Variants in PTPRT observed in about 807,000 individuals in gnomAD.
The protein encoded by PTPRT is receptor-type tyrosine-protein phosphatase T.
A neutral mutation model predicts 176.8 loss-of-function variants in PTPRT; 56 were observed. The ratio of observed to expected loss-of-function variants is 0.32; its 90% CI spans 0.26 to 0.40. The LOEUF (loss-of-function observed/expected upper bound fraction) is 0.40. Among genes scored for constraint, PTPRT ranks in the 10% least tolerant of loss-of-function variants. The pLI, the probability that PTPRT is intolerant of heterozygous loss-of-function variation, is 1.00. For missense variants in PTPRT, 1,540 were observed against 1,908.2 expected, an observed-to-expected ratio of 0.81 and a Z score of 3.60; for synonymous variants, 783 against 739.0, an observed-to-expected ratio of 1.06 and a Z score of -0.96.
At chr20:42,109,215 T>C (rs536260160) in intron 23 of PTPRT, among the ~76,000 whole-genome samples, 1 of 152,150 alleles carries the variant, frequency 6.6e-6, no homozygotes, top group Non-Finnish European at 1.5e-5. Context: ...TATGGAGTCT[T>C]CCATGGTCTC....
chr20:42,215,615 G>A (rs2055750031), intron 15 of PTPRT, among the ~76,000 whole-genome samples: 1 of 152,098 alleles, frequency 6.6e-6, no homozygotes, highest in Admixed American at 6.6e-5. Flanking sequence ...TCCATATCCT[G>A]CTCATACGAC....
At chr20:42,034,086 A>G in the PTPRT span, among the ~76,000 whole-genome samples, 1 of 152,140 alleles carries the variant, frequency 6.6e-6, no homozygotes, top group Non-Finnish European at 1.5e-5. Context: ...AATGCCTTGC[A>G]GTTTCTGTGG....
chr20:42,154,659 T>C (rs1471367821), intron 17 of PTPRT, among the ~76,000 whole-genome samples: 1 of 152,226 alleles, frequency 6.6e-6, no homozygotes, highest in Non-Finnish European at 1.5e-5. Flanking sequence ...CTGGGATGAA[T>C]GTGCTTCTTC....
intron 1 of PTPRT, among the ~76,000 whole-genome samples, chr20:43,048,691 G>GA (rs1986931171): frequency 6.6e-6 from 1 of 152,092 alleles, no homozygotes; most frequent in Non-Finnish European, 1.5e-5. Flanking sequence ...TTCTCCTGGG[G>GA]AAAAAATGTT....
intron 7 of PTPRT, among the ~76,000 whole-genome samples, chr20:42,503,059 A>C (rs1398854447): frequency 6.6e-6 from 1 of 151,960 alleles, no homozygotes; most frequent in East Asian, 1.9e-4. Context: ...TATTCCTAAC[A>C]ATTTTTGTTT....
chr20:42,506,880 G>A (rs1453049082), intron 7 of PTPRT, among the ~76,000 whole-genome samples: 2 of 152,226 alleles, frequency 1.3e-5, no homozygotes, highest in East Asian at 3.9e-4. Flanking sequence ...GGCTATGCCT[G>A]TGCCCTGTCC....
intron 6 of PTPRT, among the ~76,000 whole-genome samples, chr20:42,684,972 A>C (rs2075666751): frequency 6.6e-6 from 1 of 152,196 alleles, no homozygotes. Context: ...TGATTCATTT[A>C]GTCTTCACAG....
intron 12 of PTPRT, among the ~76,000 whole-genome samples, chr20:42,290,134 G>A (rs943226626): frequency 6.6e-6 from 1 of 151,878 alleles, no homozygotes. Context: ...AAAAAGAAAT[G>A]AGCACTTTCT....
intron 13 of PTPRT, among the ~76,000 whole-genome samples, chr20:42,279,195 A>G (rs2057099131): frequency 6.6e-6 from 1 of 152,134 alleles, no homozygotes; most frequent in Non-Finnish European, 1.5e-5. Context: ...TGTGTCAAGC[A>G]AAGTGCTCAA....
chr20:42,675,199 C>A (rs1306643824), intron 7 of PTPRT, among the ~76,000 whole-genome samples: 1 of 152,176 alleles, frequency 6.6e-6, no homozygotes, highest in Non-Finnish European at 1.5e-5. Flanking sequence ...TCCCTGATGC[C>A]CACTTCCACA....
intron 1 of PTPRT, among the ~76,000 whole-genome samples, chr20:43,153,237 A>G (rs2014417318): frequency 6.6e-6 from 1 of 152,238 alleles, no homozygotes; most frequent in Admixed American, 6.5e-5. Flanking sequence ...CTTTGTTTAA[A>G]AAGTATGCAT....
intron 15 of PTPRT, 83 bp from the exon 16 acceptor site, chr20:42,199,471 A>G (rs1358604303): frequency 4.3e-5 from 62 of 1,449,060 alleles, no homozygotes; most frequent in Admixed American, 3.1e-4. Context: ...TTCTTCCCCA[A>G]TGCTCATCCT....
chr20:42,872,342 G>A (rs549904099), intron 2 of PTPRT, among the ~76,000 whole-genome samples: 3 of 152,326 alleles, frequency 2.0e-5, no homozygotes, highest in South Asian at 4.1e-4. Flanking sequence ...AGTTGTACCT[G>A]TGAAATTAAT....
intron 7 of PTPRT, among the ~76,000 whole-genome samples, chr20:42,651,109 A>T (rs2075022156): frequency 6.6e-6 from 1 of 152,064 alleles, no homozygotes; most frequent in Non-Finnish European, 1.5e-5. Context: ...CAGATTATAA[A>T]GGGTTCTATA....
At chr20:43,184,193 G>A (rs1683227259) in intron 1 of PTPRT, among the ~76,000 whole-genome samples, 1 of 152,162 alleles carries the variant, frequency 6.6e-6, no homozygotes, top group Non-Finnish European at 1.5e-5. Context: ...ATGCTCCAGG[G>A]GACGTGTTTG....
intron 6 of PTPRT, among the ~76,000 whole-genome samples, chr20:42,741,981 A>G (rs763685854): frequency 3.3e-5 from 5 of 152,216 alleles, no homozygotes; most frequent in Non-Finnish European, 7.3e-5. Flanking sequence ...TGGTCACTTA[A>G]TTAACTATAT....
chr20:42,039,703 G>GATATATATATATATATATATATAT, the PTPRT span, among the ~76,000 whole-genome samples: 2 of 119,628 alleles, frequency 1.7e-5, no homozygotes, highest in Non-Finnish European at 3.6e-5. Context: ...TATATATATA[G>GATATATATATATATATATATATAT]TAATGTATAT....
At chr20:42,086,753 A>AAAATATATATATATATATAT (rs1983991312) in intron 27 of PTPRT, among the ~76,000 whole-genome samples, 7 of 95,516 alleles carry the variant, frequency 7.3e-5, no homozygotes, top group Non-Finnish European at 1.4e-4. Flanking sequence ...AAAAAAAAAA[A>AAAATATATATATATATATAT]ATATATATAT....
In PTPRT at chr20:42,110,459, C is replaced by T. The variant is rs536918490; in HGVS notation, c.3128G>A (p.Arg1043His). 8.7e-6 allele frequency: 14 copies of T among 1,609,714 alleles called. No individual in the cohort carries two copies. Among genetic ancestry groups the T allele is most frequent in the Admixed American group, 6.7e-5 (4 of 59,758 alleles). ...KKGYHEIREL[R>H]LFHFTSWPDH... Reference sequence around the variant, plus strand: ...AGGCCAGCTGGTGAAGTGGAAGAGGCGGAGCTCCCGGATCTCATGGTAGCC... The same window carrying T: ...AGGCCAGCTGGTGAAGTGGAAGAGGTGGAGCTCCCGGATCTCATGGTAGCC... The change falls in exon 23 of 31, where the codon CGC (arginine) becomes CAC (histidine). Residue 1043 changes from arginine to histidine, a missense_variant. Physicochemically the swap from Arg to His is conservative, Grantham distance 29 (BLOSUM62 0). This residue lies in a region of PTPRT where 248 missense variants were observed against 356.7 expected (regional missense o/e 0.70). Coordinates refer to ENST00000373187, the MANE Select transcript of PTPRT (RefSeq NM_007050.6).
Sources: allele counts gnomAD v4.1 joint callset (sites outside exome capture counted in the v4.1 genomes callset), GRCh38; gene constraint gnomAD v4.1.1; regional missense constraint gnomAD v4.1.1; transcripts MANE v1.5; gene names NCBI Gene and HGNC (gene_info 2026-07-23, HGNC 2026-07-21).